The following ZNF717 variants were observed in gnomAD, a reference collection of about 807,000 sequenced individuals.
The protein encoded by ZNF717 is krueppel-like factor X17.
Under a neutral mutation model 13.8 loss-of-function variants are expected in ZNF717, and 9 were observed. The observed-to-expected ratio is 0.65, with a 90% CI of 0.39 to 1.14. The LOEUF is 1.14. ZNF717 is among the 50% of genes most tolerant of loss of function. The probability of loss-of-function intolerance (pLI) is 0.01; values close to 1 mark genes in which losing one functional copy is unlikely to be tolerated. For synonymous variants in ZNF717, 327 were observed against 364.1 expected, an observed-to-expected ratio of 0.90 and a Z score of 1.16; for missense variants, 1,040 against 1,080.7, an observed-to-expected ratio of 0.96 and a Z score of 0.53.
intron 2 of ZNF717, among the ~76,000 whole-genome samples, chr3:75,774,468 A>C (rs1944149937): frequency 1.3e-5 from 2 of 152,154 alleles, no homozygotes; most frequent in African/African-American, 2.4e-5. Flanking sequence ...CCCAAAAGAG[A>C]GGTAAACAGG....
chr3:75,742,623 G>C (rs1399881226), intron 2 of ZNF717, among the ~76,000 whole-genome samples: 4 of 152,150 alleles, frequency 2.6e-5, no homozygotes, highest in Admixed American at 1.3e-4. Context: ...CACTTTAATG[G>C]AACTCTGGAC....
chr3:75,744,674 G>A (rs1575799635), intron 2 of ZNF717, among the ~76,000 whole-genome samples: 1 of 152,240 alleles, frequency 6.6e-6, no homozygotes, highest in South Asian at 2.1e-4. Context: ...GCACAATACT[G>A]TAAAATTGTC....
At chr3:75,772,168 A>C (rs1463801910) in intron 2 of ZNF717, among the ~76,000 whole-genome samples, 1 of 152,162 alleles carries the variant, frequency 6.6e-6, no homozygotes, top group East Asian at 1.9e-4. Flanking sequence ...AGAGCTGAAC[A>C]GACATTGGGA....
chr3:75,724,824 AT>A, intron 4 of ZNF717, among the ~76,000 whole-genome samples: 1 of 52,256 alleles, frequency 1.9e-5, no homozygotes, highest in Non-Finnish European at 5.1e-5. Context: ...GACAAGTAAC[AT>A]ATCTGTATTA....
At chr3:75,768,760 T>G (rs1442204444) in intron 2 of ZNF717, among the ~76,000 whole-genome samples, 2 of 150,808 alleles carry the variant, frequency 1.3e-5, no homozygotes, top group Non-Finnish European at 2.9e-5. Flanking sequence ...GATTCAGTCC[T>G]CACTGTGGCT....
At chr3:75,700,461 A>G (rs1469393324) in intron 6 of ZNF717, among the ~76,000 whole-genome samples, 1 of 152,306 alleles carries the variant, frequency 6.6e-6, no homozygotes, top group African/African-American at 2.4e-5. Context: ...GAACCATCGC[A>G]AAACACCGTA....
chr3:75,779,814 T>G (rs1176681665), intron 2 of ZNF717, among the ~76,000 whole-genome samples: 1 of 139,690 alleles, frequency 7.2e-6, no homozygotes, highest in Non-Finnish European at 1.5e-5. Flanking sequence ...ACCATGGGAG[T>G]GTCGTGCTAA....
rs115074208 is a variant in ZNF717, at chr3:75,703,632, T to G, written n.1085+7555A>C. On this transcript the variant is annotated intron_variant and non_coding_transcript_variant, in intron 6 of 6. Transcript: ENST00000648506. ...ACTGTATCAACTTCCATATTAACTA[T>G]CATTTTGTTTATATCCAATCTTGAG... Among the ~76,000 whole-genome samples, 511 of 152,362 alleles carry G rather than the reference T, an allele frequency of 3.4e-3. 1 individual carries two copies. The highest frequency in any genetic ancestry group is 0.012 in the African/African-American group (496 of 41,600).
chr3:75,695,366 C>A (rs1193919883), intron 6 of ZNF717, among the ~76,000 whole-genome samples: 1 of 152,256 alleles, frequency 6.6e-6, no homozygotes, highest in African/African-American at 2.4e-5. Flanking sequence ...AAAGAGACCT[C>A]AATACAATAA....
chr3:75,759,567 C>A lies in ZNF717; in HGVS notation c.58-17831G>T, dbSNP rs377073307. On this transcript the variant is annotated intron_variant, in intron 2 of 4. Coordinates refer to ENST00000652011, the MANE Select transcript of ZNF717 (RefSeq NM_001290208.3). The stretch of plus-strand genomic sequence containing the variant: ...GATTACAGGTGTGAGCCACCGCGCC[C>A]AGGCAATTTTTATTTTTTTGAGACA... Among the ~76,000 whole-genome samples, 10 of 151,932 alleles carry A rather than the reference C, an allele frequency of 6.6e-5. No homozygotes were observed. In the East Asian group the frequency reaches 1.2e-3, roughly 18 times the overall value.
At chr3:75,782,250 A>G (rs553832172) in intron 2 of ZNF717, among the ~76,000 whole-genome samples, 3 of 152,214 alleles carry the variant, frequency 2.0e-5, no homozygotes, top group Non-Finnish European at 2.9e-5. Context: ...GCAAATAAAC[A>G]CTGGAAGTAT....
rs1443680348 is a variant in ZNF717 at position 75,701,906 on chromosome 3, A to C, written n.1085+9281T>G. On this transcript the variant is annotated intron_variant and non_coding_transcript_variant, in intron 6 of 6. Coordinates refer to the ZNF717 transcript ENST00000648506. ...GGTGCTCCACATTACTGATCATCATAGAAATGCAAATCAAACCCAAAATGA... is the reference window on the plus strand; with the variant it reads ...GGTGCTCCACATTACTGATCATCATCGAAATGCAAATCAAACCCAAAATGA... Among the ~76,000 whole-genome samples, 6 of 152,304 alleles carry C rather than the reference A, an allele frequency of 3.9e-5. No homozygotes were observed. The East Asian group carries it at 1.2e-3, about 29-fold the overall frequency.
At chr3:75,782,676 C>T (rs569862811) in intron 2 of ZNF717, among the ~76,000 whole-genome samples, 1 of 142,832 alleles carries the variant, frequency 7.0e-6, no homozygotes, top group Non-Finnish European at 1.6e-5. Flanking sequence ...GCTTTAGCGG[C>T]AGATGACCAT....
At chr3:75,776,310 C>T (rs1944313882) in intron 2 of ZNF717, among the ~76,000 whole-genome samples, 1 of 152,366 alleles carries the variant, frequency 6.6e-6, no homozygotes, top group South Asian at 2.1e-4. Context: ...TTTGTCAAAC[C>T]TATATTCCTA....
At chr3:75,711,575 C>T (rs1448190911) in intron 5 of ZNF717, among the ~76,000 whole-genome samples, 2 of 152,112 alleles carry the variant, frequency 1.3e-5, no homozygotes, top group African/African-American at 2.4e-5. Context: ...GCAGGTAGAT[C>T]ACTTCAACTT....
At chr3:75,721,017 TA>T (rs1161124334) in intron 4 of ZNF717, among the ~76,000 whole-genome samples, 1 of 151,684 alleles carries the variant, frequency 6.6e-6, no homozygotes, top group Non-Finnish European at 1.5e-5. Context: ...TCAATATTTT[TA>T]AAACAAATCA....
intron 2 of ZNF717, among the ~76,000 whole-genome samples, chr3:75,782,145 G>A (rs1463306492): frequency 6.6e-6 from 1 of 152,174 alleles, no homozygotes; most frequent in East Asian, 1.9e-4. Flanking sequence ...GAAGACTCGA[G>A]TAAGGCAATC....
chr3:75,757,318 T>C (rs951078931), intron 2 of ZNF717, among the ~76,000 whole-genome samples: 21 of 152,346 alleles, frequency 1.4e-4, no homozygotes, highest in African/African-American at 5.0e-4. Context: ...CATCTGGTGA[T>C]GTTAACTTGA....
downstream of ZNF717, among the ~76,000 whole-genome samples, chr3:75,727,569 G>C (rs1938309856): frequency 6.6e-6 from 1 of 152,188 alleles, no homozygotes; most frequent in African/African-American, 2.4e-5. Flanking sequence ...GTTGAAATAA[G>C]TACTGAAATA....
Sources: allele counts gnomAD v4.1 joint callset (sites outside exome capture counted in the v4.1 genomes callset), GRCh38; gene constraint gnomAD v4.1.1; transcripts MANE v1.5; gene names NCBI Gene and HGNC (gene_info 2026-07-23, HGNC 2026-07-21).